The following COL26A1 variants were observed in gnomAD, a reference collection of about 807,000 sequenced individuals.
COL26A1 encodes the protein collagen alpha-1(XXVI) chain.
A neutral mutation model predicts 59.3 loss-of-function variants in COL26A1; 41 were observed. The observed-to-expected ratio is 0.69, with a 90% CI of 0.54 to 0.90. The LOEUF is 0.90. COL26A1 is among the 40% of genes least tolerant of loss of function. The probability of loss-of-function intolerance (pLI) is 0.00; values close to 1 mark genes in which losing one functional copy is unlikely to be tolerated. For missense variants in COL26A1, 612 were observed against 602.3 expected, an observed-to-expected ratio of 1.02 and a Z score of -0.17; for synonymous variants, 266 against 256.0, an observed-to-expected ratio of 1.04 and a Z score of -0.37.
intron 3 of COL26A1, among the ~76,000 whole-genome samples, chr7:101,530,493 G>C (rs151210866): frequency 0.048 from 7,247 of 150,072 alleles, 217 homozygotes; most frequent in Non-Finnish European, 0.067. Context: ...ACTTGAACTT[G>C]AGGCGGAGGT....
intron 11 of COL26A1, among the ~76,000 whole-genome samples, chr7:101,553,764 A>T (rs1795910230): frequency 6.6e-6 from 1 of 152,118 alleles, no homozygotes; most frequent in Non-Finnish European, 1.5e-5. Flanking sequence ...GGGCGTGCTT[A>T]CAAGGTCAAG....
At chr7:101,419,862 G>A in intron 1 of COL26A1, 115 bp from the exon 2 acceptor site, 8 of 1,080,794 alleles carry the variant, frequency 7.4e-6, no homozygotes, top group South Asian at 3.0e-5. Flanking sequence ...ATCCAAGAGA[G>A]CGAGCCTCCA....
At chr7:101,489,713 C>T (rs1352931750) in intron 3 of COL26A1, among the ~76,000 whole-genome samples, 11 of 6,210 alleles carry the variant, frequency 1.8e-3, no homozygotes, top group African/African-American at 8.4e-3. Flanking sequence ...TTCTTTCTTT[C>T]ATTCTTTCTT....
chr7:101,452,538 A>C (rs958394101), intron 3 of COL26A1, among the ~76,000 whole-genome samples: 9 of 152,146 alleles, frequency 5.9e-5, no homozygotes, highest in African/African-American at 1.9e-4. Context: ...CATCATTGGA[A>C]GATTTGTCTT....
At chr7:101,424,717 G>C (rs1792603276) in intron 2 of COL26A1, among the ~76,000 whole-genome samples, 1 of 152,214 alleles carries the variant, frequency 6.6e-6, no homozygotes, top group African/African-American at 2.4e-5. Context: ...TGGGGCTGCT[G>C]TCTGGGCAGG....
intron 3 of COL26A1, among the ~76,000 whole-genome samples, chr7:101,507,039 C>T (rs143622802): frequency 6.6e-6 from 1 of 151,980 alleles, no homozygotes; most frequent in East Asian, 1.9e-4. Context: ...CTCAGCCTCC[C>T]GAGTAGCTGG....
At chr7:101,364,272 T>A (rs998412296) in intron 1 of COL26A1, among the ~76,000 whole-genome samples, 2 of 152,200 alleles carry the variant, frequency 1.3e-5, no homozygotes, top group African/African-American at 4.8e-5. Flanking sequence ...AACTACAACC[T>A]ACACAGCTAT....
intron 1 of COL26A1, among the ~76,000 whole-genome samples, chr7:101,384,165 C>A (rs1428996122): frequency 6.6e-6 from 1 of 151,546 alleles, no homozygotes; most frequent in East Asian, 1.9e-4. Context: ...AGGCGTGCGC[C>A]ACCATGCTTG....
intron 3 of COL26A1, among the ~76,000 whole-genome samples, chr7:101,510,810 GTGT>G (rs1482366073): frequency 6.6e-6 from 1 of 152,110 alleles, no homozygotes; most frequent in Non-Finnish European, 1.5e-5. Flanking sequence ...GTGAGCCACT[GTGT>G]CTGGCTAATG....
chr7:101,547,816 C>T (rs56040533), intron 8 of COL26A1, among the ~76,000 whole-genome samples: 88 of 54,982 alleles, frequency 1.6e-3, no homozygotes, highest in Non-Finnish European at 1.3e-3. Context: ...TTCATTCGTT[C>T]ATTCATTCAT....
intron 2 of COL26A1, among the ~76,000 whole-genome samples, chr7:101,435,287 C>T (rs1792887979): frequency 6.6e-6 from 1 of 152,170 alleles, no homozygotes; most frequent in South Asian, 2.1e-4. Context: ...CCACTGCACT[C>T]CAGCCTGGGC....
At chr7:101,510,027 CTT>C (rs3073374) in intron 3 of COL26A1, among the ~76,000 whole-genome samples, 5 of 122,234 alleles carry the variant, frequency 4.1e-5, no homozygotes, top group Non-Finnish European at 1.6e-5. Flanking sequence ...CGCGCCCAGT[CTT>C]TTTTTTTTTT....
chr7:101,437,398 C>T (rs1238662754), intron 2 of COL26A1, among the ~76,000 whole-genome samples: 2 of 112,046 alleles, frequency 1.8e-5, no homozygotes, highest in South Asian at 2.7e-4. Context: ...GAATGGGGGG[C>T]GGAGTTCCGA....
intron 3 of COL26A1, among the ~76,000 whole-genome samples, chr7:101,529,798 C>T (rs887055212): frequency 2.0e-5 from 3 of 152,146 alleles, no homozygotes; most frequent in Admixed American, 6.6e-5. Context: ...AGTGTATATG[C>T]ACCTCATTTT....
intron 6 of COL26A1, among the ~76,000 whole-genome samples, chr7:101,544,302 A>T (rs1453193004): frequency 6.6e-6 from 1 of 151,860 alleles, no homozygotes; most frequent in South Asian, 2.1e-4. Context: ...ATCTCGGCTC[A>T]TTGCCACCTC....
chr7:101,420,584 G>C (rs912446265), intron 2 of COL26A1, among the ~76,000 whole-genome samples: 2 of 151,474 alleles, frequency 1.3e-5, no homozygotes, highest in South Asian at 4.2e-4. Flanking sequence ...TGCCCCTCAC[G>C]AGGCCTGCCT....
intron 3 of COL26A1, among the ~76,000 whole-genome samples, chr7:101,499,306 C>T (rs533334772): frequency 6.6e-6 from 1 of 152,298 alleles, no homozygotes; most frequent in Admixed American, 6.5e-5. Context: ...CTTTGGGAGG[C>T]CAAGGTGGGA....
intron 3 of COL26A1, among the ~76,000 whole-genome samples, chr7:101,460,304 T>C (rs918043512): frequency 3.9e-5 from 6 of 152,110 alleles, no homozygotes; most frequent in Non-Finnish European, 8.8e-5. Context: ...TGAGGTGTTG[T>C]GAGATTCACA....
intron 1 of COL26A1, among the ~76,000 whole-genome samples, chr7:101,382,407 C>A (rs961265927): frequency 6.6e-5 from 10 of 152,116 alleles, no homozygotes; most frequent in African/African-American, 2.2e-4. Context: ...ACTGCCTTCA[C>A]ACTTTTATTG....
Sources: gnomAD v4.1 joint callset for allele counts (sites outside exome capture counted in the v4.1 genomes callset) on GRCh38, gnomAD v4.1.1 for gene constraint, MANE v1.5 for transcripts, NCBI Gene and HGNC (gene_info 2026-07-23, HGNC 2026-07-21) for gene names.